Variants in PAMR1 observed in about 807,000 individuals in gnomAD.
PAMR1 encodes peptidase domain containing associated with muscle regeneration 1.
A neutral mutation model predicts 81.8 loss-of-function variants in PAMR1; 88 were observed. The observed-to-expected ratio is 1.08, with a 90% CI of 0.91 to 1.28. PAMR1 has a LOEUF of 1.28. PAMR1 is among the 50% of genes most tolerant of loss of function. PAMR1 has a pLI of 0.00. For synonymous variants in PAMR1, 336 were observed against 345.3 expected, an observed-to-expected ratio of 0.97 and a Z score of 0.30; for missense variants, 935 against 919.7, an observed-to-expected ratio of 1.02 and a Z score of -0.21.
chr11:35,456,888 T>A (rs1856544778), intron 6 of PAMR1, among the ~76,000 whole-genome samples: 1 of 152,220 alleles, frequency 6.6e-6, no homozygotes, highest in African/African-American at 2.4e-5. Flanking sequence ...TGTGCACACG[T>A]GTGTGTACAG....
chr11:35,464,399 G>A (rs2135371367), intron 6 of PAMR1, among the ~76,000 whole-genome samples: 1 of 152,292 alleles, frequency 6.6e-6, no homozygotes, highest in South Asian at 2.1e-4. Context: ...ACTCACTTGT[G>A]TTTAAAACAA....
At chr11:35,488,881 A>G (rs573954768) in intron 3 of PAMR1, among the ~76,000 whole-genome samples, 1 of 152,054 alleles carries the variant, frequency 6.6e-6, no homozygotes, top group Admixed American at 6.5e-5. Flanking sequence ...CAAATTTTAT[A>G]TGAAACTGCT....
intron 6 of PAMR1, among the ~76,000 whole-genome samples, chr11:35,466,424 CAAG>C (rs1856757486): frequency 6.6e-6 from 1 of 152,084 alleles, no homozygotes; most frequent in Non-Finnish European, 1.5e-5. Context: ...GCATTGTTTG[CAAG>C]AAAACATTAG....
At chr11:35,481,114 A>C (rs1345664635) in intron 3 of PAMR1, among the ~76,000 whole-genome samples, 1 of 152,218 alleles carries the variant, frequency 6.6e-6, no homozygotes, top group African/African-American at 2.4e-5. Context: ...ATTGATGGGC[A>C]TTTGGGTTGG....
intron 3 of PAMR1, among the ~76,000 whole-genome samples, chr11:35,482,191 C>T (rs1850408495): frequency 6.6e-6 from 1 of 152,170 alleles, no homozygotes; most frequent in Non-Finnish European, 1.5e-5. Context: ...AGTATTTAAT[C>T]CACCTTGAGT....
chr11:35,439,702 A>T lies in PAMR1; in HGVS notation c.1034-9T>A. On this transcript the variant is annotated splice_polypyrimidine_tract_variant and intron_variant, in intron 7 of 10. Coordinates refer to ENST00000619888, the MANE Select transcript of PAMR1 (RefSeq NM_001001991.3). ...CTTTGGTTCTCGGCAGGCTAGAAAT[A>T]AAAAAGACAATGCTGCATGATCCTT... 1 of 1,608,420 alleles carries T rather than the reference A, an allele frequency of 6.2e-7. No homozygotes were observed. Among genetic ancestry groups the T allele is most frequent in the Non-Finnish European group, 8.5e-7 (1 of 1,174,850 alleles).
At chr11:35,468,156 GT>G (rs1565339370) in intron 5 of PAMR1, 48 bp from the exon 6 acceptor site, 2 of 1,197,952 alleles carry the variant, frequency 1.7e-6, no homozygotes, top group East Asian at 2.6e-5. Flanking sequence ...TTGAGTCGAT[GT>G]CTTCAGGCCC....
chr11:35,481,050 C>A (rs927506526), intron 3 of PAMR1, among the ~76,000 whole-genome samples: 1 of 152,188 alleles, frequency 6.6e-6, no homozygotes, highest in African/African-American at 2.4e-5. Context: ...CTTTTTATGG[C>A]TACATAATAT....
At chr11:35,476,959 C>T (rs1850295936) in intron 3 of PAMR1, among the ~76,000 whole-genome samples, 1 of 152,018 alleles carries the variant, frequency 6.6e-6, no homozygotes, top group Non-Finnish European at 1.5e-5. Flanking sequence ...CATCTCTTTC[C>T]TGTAAGAATT....
intron 8 of PAMR1, among the ~76,000 whole-genome samples, chr11:35,437,653 A>C (rs887270469): frequency 6.6e-6 from 1 of 152,218 alleles, no homozygotes; most frequent in African/African-American, 2.4e-5. Flanking sequence ...AGATACTTAA[A>C]ACCAAGTTTC....
At chr11:35,434,971 C>T (rs1370343766) in intron 9 of PAMR1, among the ~76,000 whole-genome samples, 167 bp from the exon 10 acceptor site, 1 of 152,166 alleles carries the variant, frequency 6.6e-6, no homozygotes, top group Admixed American at 6.5e-5. Flanking sequence ...TTAATCAACC[C>T]ACCCTGACAT....
intron 2 of PAMR1, among the ~76,000 whole-genome samples, chr11:35,492,498 T>C (rs906443346): frequency 2.0e-5 from 3 of 152,220 alleles, no homozygotes; most frequent in Non-Finnish European, 2.9e-5. Context: ...GTGTTTATTG[T>C]GGAATTTTTA....
At chr11:35,527,991 T>C (rs1405305192), upstream of PAMR1, among the ~76,000 whole-genome samples, 2 of 151,964 alleles carry the variant, frequency 1.3e-5, no homozygotes. Flanking sequence ...TCTTTTCATC[T>C]TCCCTCTCCC....
At chr11:35,503,815 A>G (rs1001417928) in intron 1 of PAMR1, among the ~76,000 whole-genome samples, 3 of 152,122 alleles carry the variant, frequency 2.0e-5, no homozygotes, top group Non-Finnish European at 4.4e-5. Context: ...GTCTGCAAGC[A>G]AGGCTAATTT....
At chr11:35,501,717 A>G (rs935262661) in intron 1 of PAMR1, among the ~76,000 whole-genome samples, 1 of 152,188 alleles carries the variant, frequency 6.6e-6, no homozygotes, top group African/African-American at 2.4e-5. Context: ...ATTTCACCTA[A>G]CATGATAACC....
At position 35,488,236 on chromosome 11, in the gene PAMR1, G is replaced by A. The variant is rs139320496; in HGVS notation, c.379+3809C>T. ...TTTTTTTTTTTGAGAGAGAGACAGA[G>A]ATGAGGTCTTGCTCTGTTGTTTAGG... On this transcript the variant is annotated intron_variant, in intron 3 of 10. Transcript: ENST00000619888. 5.1e-3 allele frequency among the ~76,000 whole-genome samples: 606 copies of A among 119,928 alleles called. 2 individuals carry two copies. Among genetic ancestry groups the A allele is most frequent in the Middle Eastern group, 0.032 (4 of 126 alleles). 78.7% of individuals were successfully genotyped at this position (119,928 alleles called of 152,430 possible).
chr11:35,526,539 C>G (rs773863831), upstream of PAMR1, among the ~76,000 whole-genome samples: 2 of 152,198 alleles, frequency 1.3e-5, no homozygotes, highest in African/African-American at 2.4e-5. Context: ...CATGTATTAA[C>G]TCAATTATTC....
In PAMR1 at chr11:35,434,647, G is replaced by A; in HGVS notation, c.1491C>T (p.Arg497=). The change falls in exon 10 of 11, where the codon CGC becomes CGT. Residue 497 remains arginine (R), a synonymous_variant. Coordinates refer to ENST00000619888, the MANE Select transcript of PAMR1 (RefSeq NM_001001991.3). ...LVCSGALVNE[R]TVVVAAHCVT... ...CACAGTGGGCAGCCACCACCACAGT[G>A]CGCTCATTCACCAGGGCACCGCTGC... 6.2e-7 allele frequency: 1 copy of A among 1,614,110 alleles called. No individual in the cohort carries two copies. The highest frequency in any genetic ancestry group is 8.5e-7 in the Non-Finnish European group (1 of 1,180,042).
At chr11:35,441,084 G>T (rs1856154831) in intron 7 of PAMR1, among the ~76,000 whole-genome samples, 1 of 152,172 alleles carries the variant, frequency 6.6e-6, no homozygotes, top group African/African-American at 2.4e-5. Flanking sequence ...GGGATGATGT[G>T]TCTATTTTGT....
Sources: allele counts gnomAD v4.1 joint callset (sites outside exome capture counted in the v4.1 genomes callset), GRCh38; gene constraint gnomAD v4.1.1; transcripts MANE v1.5; gene names NCBI Gene and HGNC (gene_info 2026-07-23, HGNC 2026-07-21).